PDE4B: variants seen among roughly 807,000 people sequenced by gnomAD.
PDE4B encodes the protein phosphodiesterase 4B.
A neutral mutation model predicts 82.2 loss-of-function variants in PDE4B; 20 were observed. The observed-to-expected ratio is 0.24, with a 90% CI of 0.17 to 0.35. The LOEUF (loss-of-function observed/expected upper bound fraction) is 0.35, where lower values mean the gene tolerates loss of function less well. Among genes scored for constraint, PDE4B ranks in the 10% least tolerant of loss-of-function variants. PDE4B has a pLI of 1.00. For synonymous variants in PDE4B, 320 were observed against 318.9 expected (o/e 1.00, Z -0.04); for missense variants, 655 against 907.2 (o/e 0.72, Z 3.57).
chr1:66,030,069 G>A (rs1653683196), intron 3 of PDE4B, among the ~76,000 whole-genome samples: 1 of 145,564 alleles, frequency 6.9e-6, no homozygotes, highest in African/African-American at 2.6e-5. Flanking sequence ...AAGGGATGTT[G>A]GATTTTATTG....
At chr1:66,306,847 G>C (rs1267015619) in intron 7 of PDE4B, among the ~76,000 whole-genome samples, 1 of 152,126 alleles carries the variant, frequency 6.6e-6, no homozygotes. Flanking sequence ...GCTGTCTTAT[G>C]ATGAGTTTAT....
chr1:65,999,087 T>C (rs1651717934), intron 3 of PDE4B, among the ~76,000 whole-genome samples: 1 of 152,200 alleles, frequency 6.6e-6, no homozygotes, highest in Non-Finnish European at 1.5e-5. Flanking sequence ...AAAGTAATGG[T>C]GACAACCCCC....
intron 8 of PDE4B, among the ~76,000 whole-genome samples, chr1:66,345,456 A>G (rs576355734): frequency 1.3e-4 from 20 of 152,186 alleles, no homozygotes; most frequent in African/African-American, 4.6e-4. Context: ...ATCACAATTT[A>G]TGGTTTTTGG....
chr1:65,982,443 A>G (rs1350550701), intron 3 of PDE4B, among the ~76,000 whole-genome samples: 1 of 152,216 alleles, frequency 6.6e-6, no homozygotes. Context: ...TTCTCAGCCT[A>G]TCTACATTGC....
At chr1:66,020,296 A>G (rs1653018997) in intron 3 of PDE4B, among the ~76,000 whole-genome samples, 1 of 152,136 alleles carries the variant, frequency 6.6e-6, no homozygotes, top group Admixed American at 6.6e-5. Context: ...ATATAGCATT[A>G]CTTAAAGAAC....
In PDE4B at chr1:66,244,332, T is replaced by C. The variant is rs1653129329; in HGVS notation, c.282-3128T>C. On this transcript the variant is annotated intron_variant, in intron 3 of 16. Coordinates refer to ENST00000341517, the MANE Select transcript of PDE4B (RefSeq NM_002600.4). ...TTTTATATAATATTCTTATATTTCTTTTATAATGATTTTTTTAAAATATAA... is the reference window on the plus strand; with the variant it reads ...TTTTATATAATATTCTTATATTTCTCTTATAATGATTTTTTTAAAATATAA... 2.0e-5 allele frequency among the ~76,000 whole-genome samples: 3 copies of C among 152,240 alleles called. No individual in the cohort carries two copies. The South Asian group carries it at 6.2e-4, about 32-fold the overall frequency.
intron 3 of PDE4B, among the ~76,000 whole-genome samples, chr1:66,163,606 G>A (rs181618287): frequency 0.027 from 4,125 of 152,142 alleles, 198 homozygotes; most frequent in African/African-American, 0.093. Context: ...AAATGTTTTA[G>A]TCCATAAGAT....
intron 16 of PDE4B, among the ~76,000 whole-genome samples, chr1:66,370,661 T>C (rs745412545): frequency 2.4e-4 from 37 of 152,186 alleles, no homozygotes; most frequent in Non-Finnish European, 5.0e-4. Flanking sequence ...TCTCGTCCTG[T>C]GATCTAGGGA....
chr1:66,311,063 G>A (rs1425323014), intron 7 of PDE4B, among the ~76,000 whole-genome samples: 2 of 152,152 alleles, frequency 1.3e-5, no homozygotes, highest in Non-Finnish European at 2.9e-5. Flanking sequence ...GATCTTGAAC[G>A]GTGTTGTCTG....
intron 1 of PDE4B, among the ~76,000 whole-genome samples, chr1:65,867,742 A>G (rs61799360): frequency 6.6e-6 from 1 of 152,230 alleles, no homozygotes; most frequent in Admixed American, 6.5e-5. Flanking sequence ...TATGCCCTAC[A>G]TCATTGTTCA....
chr1:66,318,010 C>A (rs1389719406), intron 7 of PDE4B, among the ~76,000 whole-genome samples: 1 of 152,180 alleles, frequency 6.6e-6, no homozygotes, highest in Non-Finnish European at 1.5e-5. Context: ...CCAAACCTGG[C>A]TGAGGATGGA....
intron 3 of PDE4B, among the ~76,000 whole-genome samples, chr1:65,971,416 C>T (rs1650131710): frequency 6.6e-6 from 1 of 152,078 alleles, no homozygotes. Context: ...CCTTTCTCTG[C>T]TATGAACATC....
intron 3 of PDE4B, among the ~76,000 whole-genome samples, chr1:66,052,978 T>C (rs936496648): frequency 6.6e-6 from 1 of 152,194 alleles, no homozygotes; most frequent in South Asian, 2.1e-4. Context: ...TAAAGTGTCA[T>C]TAGGAGTTTT....
chr1:65,960,048 C>A (rs11208780), intron 3 of PDE4B, among the ~76,000 whole-genome samples: 9,475 of 152,180 alleles, frequency 0.062, 346 homozygotes, highest in Middle Eastern at 0.18. Flanking sequence ...TAACAAAATA[C>A]AAAATGCTTT....
chr1:66,369,002 A>C (rs1335405040), intron 16 of PDE4B, 33 bp downstream of exon 16: 1 of 1,526,234 alleles, frequency 6.6e-7, no homozygotes, highest in Non-Finnish European at 9.0e-7. Flanking sequence ...AGTTTTTGTG[A>C]GCTCTGCTGA....
chr1:65,932,050 A>C (rs1647865095), intron 3 of PDE4B, among the ~76,000 whole-genome samples: 1 of 152,164 alleles, frequency 6.6e-6, no homozygotes. Context: ...GGGAAGAGTT[A>C]GTCTGCTTGG....
chr1:65,826,993 G>A (rs957962929), intron 1 of PDE4B, among the ~76,000 whole-genome samples: 2 of 152,174 alleles, frequency 1.3e-5, no homozygotes, highest in African/African-American at 4.8e-5. Flanking sequence ...AAGCAAAGAA[G>A]GAAGGCTTCT....
At chr1:65,829,527 C>A (rs1239149172) in intron 1 of PDE4B, among the ~76,000 whole-genome samples, 1 of 152,080 alleles carries the variant, frequency 6.6e-6, no homozygotes, top group South Asian at 2.1e-4. Flanking sequence ...TGAACATTCA[C>A]AAAGATAGAC....
chr1:65,976,481 C>T (rs1289528382), intron 3 of PDE4B, among the ~76,000 whole-genome samples: 1 of 152,110 alleles, frequency 6.6e-6, no homozygotes, highest in Non-Finnish European at 1.5e-5. Flanking sequence ...TGAGTTAAGA[C>T]TCTGTGGGAC....
Sources: allele counts gnomAD v4.1 joint callset (sites outside exome capture counted in the v4.1 genomes callset), GRCh38; gene constraint gnomAD v4.1.1; transcripts MANE v1.5; gene names NCBI Gene and HGNC (gene_info 2026-07-23, HGNC 2026-07-21).